Variants in GPM6A observed in about 807,000 individuals in gnomAD.
GPM6A encodes glycoprotein M6A, also known as neuronal membrane glycoprotein M6-a.
Under a neutral mutation model 32.1 loss-of-function variants are expected in GPM6A, and 7 were observed. The observed-to-expected ratio is 0.22, with a 90% confidence interval of 0.12 to 0.41. The LOEUF (loss-of-function observed/expected upper bound fraction) is 0.41. Among genes scored for constraint, GPM6A ranks in the 10% least tolerant of loss-of-function variants. GPM6A has a pLI of 1.00. For missense variants in GPM6A, 235 were observed against 347.2 expected (o/e 0.68, Z 2.57); for synonymous variants, 130 against 123.4 (o/e 1.05, Z -0.35).
intron 1 of GPM6A, among the ~76,000 whole-genome samples, chr4:175,791,365 C>A (rs1243104407): frequency 6.6e-6 from 1 of 152,128 alleles, no homozygotes; most frequent in South Asian, 2.1e-4. Context: ...AACTCTAGCA[C>A]CACTCCTTAG....
intron 1 of GPM6A, among the ~76,000 whole-genome samples, chr4:175,718,689 A>T (rs548513894): frequency 6.6e-6 from 1 of 152,348 alleles, no homozygotes; most frequent in African/African-American, 2.4e-5. Context: ...ACACACACAC[A>T]TAAACCAGGA....
intron 1 of GPM6A, among the ~76,000 whole-genome samples, chr4:175,714,931 C>T (rs1016962842): frequency 1.5e-4 from 22 of 150,890 alleles, no homozygotes; most frequent in African/African-American, 5.4e-4. Flanking sequence ...ATACATAAGC[C>T]CCTAGGGTAA....
intron 1 of GPM6A, among the ~76,000 whole-genome samples, chr4:175,749,926 C>A (rs1489538059): frequency 6.6e-6 from 1 of 152,190 alleles, no homozygotes; most frequent in Non-Finnish European, 1.5e-5. Flanking sequence ...ACTACATCCT[C>A]CAGGTCCTGC....
chr4:175,659,588 A>C (rs73875112), intron 3 of GPM6A, among the ~76,000 whole-genome samples: 7,541 of 152,318 alleles, frequency 0.05, 208 homozygotes, highest in Non-Finnish European at 0.061. Context: ...GGTTTACATA[A>C]TGTCTAAAGC....
At chr4:175,970,221 T>C (rs1378269941) in intron 1 of GPM6A, among the ~76,000 whole-genome samples, 1 of 152,234 alleles carries the variant, frequency 6.6e-6, no homozygotes, top group African/African-American at 2.4e-5. Context: ...ATCTGATTTT[T>C]TGGCTTTTAA....
chr4:175,973,920 T>C (rs1411485154), intron 1 of GPM6A, among the ~76,000 whole-genome samples: 1 of 152,292 alleles, frequency 6.6e-6, no homozygotes, highest in East Asian at 1.9e-4. Context: ...CATTTTTGGT[T>C]TAATAATAAT....
chr4:175,982,801 C>T (rs995529949), intron 1 of GPM6A, among the ~76,000 whole-genome samples: 12 of 152,038 alleles, frequency 7.9e-5, no homozygotes, highest in African/African-American at 2.9e-4. Flanking sequence ...TGAGGTTGCA[C>T]TGAATCTATA....
intron 1 of GPM6A, among the ~76,000 whole-genome samples, chr4:175,739,998 T>C (rs1016825149): frequency 6.6e-6 from 1 of 152,034 alleles, no homozygotes; most frequent in African/African-American, 2.4e-5. Context: ...AAAAAGTAAA[T>C]AGTATTTGAC....
upstream of GPM6A, chr4:175,812,682 A>G (rs1458033308): frequency 1.0e-6 from 1 of 986,600 alleles, no homozygotes; most frequent in African/African-American, 1.7e-5. Context: ...TGAGCTGTGA[A>G]CAGATGGAGG....
chr4:175,918,498 T>C (rs182368546), intron 1 of GPM6A, among the ~76,000 whole-genome samples: 25 of 148,582 alleles, frequency 1.7e-4, no homozygotes, highest in African/African-American at 6.1e-4. Context: ...ACAGTTCCTG[T>C]CCTTAACAAC....
chr4:175,645,677 C>T (rs952625585), intron 4 of GPM6A, among the ~76,000 whole-genome samples: 3 of 151,992 alleles, frequency 2.0e-5, no homozygotes, highest in African/African-American at 4.8e-5. Flanking sequence ...ACCGAGATGG[C>T]GCCACTGCAC....
chr4:175,859,732 G>T (rs1736517945), intron 1 of GPM6A, among the ~76,000 whole-genome samples: 1 of 151,954 alleles, frequency 6.6e-6, no homozygotes, highest in Non-Finnish European at 1.5e-5. Flanking sequence ...TACAGATGAA[G>T]TGCCCTGGGG....
chr4:175,959,457 ATACG>A (rs1740097132), intron 1 of GPM6A, among the ~76,000 whole-genome samples: 1 of 152,034 alleles, frequency 6.6e-6, no homozygotes. Context: ...CACACCCCAC[ATACG>A]CACAGTTCAG....
At chr4:175,705,318 C>T (rs550174670) in intron 1 of GPM6A, among the ~76,000 whole-genome samples, 2 of 152,172 alleles carry the variant, frequency 1.3e-5, no homozygotes, top group African/African-American at 2.4e-5. Flanking sequence ...ACAAATTCCT[C>T]TAAACTTGCA....
chr4:175,703,214 C>G (rs1393145453), intron 1 of GPM6A, among the ~76,000 whole-genome samples: 2 of 150,558 alleles, frequency 1.3e-5, no homozygotes, highest in African/African-American at 4.8e-5. Flanking sequence ...CTCTGTCACC[C>G]AGGCTGGACT....
intron 2 of GPM6A, among the ~76,000 whole-genome samples, chr4:175,674,666 T>C (rs1346466551): frequency 6.6e-6 from 1 of 152,224 alleles, no homozygotes; most frequent in African/African-American, 2.4e-5. Flanking sequence ...AGATAGTCAA[T>C]TATAGTTGTA....
intron 1 of GPM6A, 79 bp from the exon 2 acceptor site, chr4:175,701,846 G>A: frequency 1.0e-6 from 1 of 979,776 alleles, no homozygotes; most frequent in Non-Finnish European, 1.6e-6. Context: ...CAGCACTATG[G>A]GAAAGTATAT....
intron 2 of GPM6A, among the ~76,000 whole-genome samples, chr4:175,676,512 G>A (rs1335064226): frequency 4.6e-5 from 7 of 152,216 alleles, no homozygotes; most frequent in Non-Finnish European, 7.3e-5. Context: ...GCTTCGAGAG[G>A]CTGAGGTGAG....
intron 3 of GPM6A, among the ~76,000 whole-genome samples, chr4:175,671,766 C>T (rs1235304371): frequency 6.6e-6 from 1 of 152,112 alleles, no homozygotes; most frequent in African/African-American, 2.4e-5. Flanking sequence ...GAGCCTCACC[C>T]GCTGCTCTGC....
Sources: allele counts gnomAD v4.1 joint callset (sites outside exome capture counted in the v4.1 genomes callset), GRCh38; gene constraint gnomAD v4.1.1; transcripts MANE v1.5; gene names NCBI Gene and HGNC (gene_info 2026-07-23, HGNC 2026-07-21).